Variants in MLIP observed in about 807,000 individuals in gnomAD.
MLIP encodes the protein muscular LMNA interacting protein.
A neutral mutation model predicts 84.8 loss-of-function variants in MLIP; 79 were observed. That is an observed-to-expected ratio of 0.93 (90% CI 0.78 to 1.12). The LOEUF is 1.12. Ranked by LOEUF, MLIP falls within the 50% of genes most tolerant of loss-of-function variation. MLIP has a pLI of 0.00. For missense variants in MLIP, 1,257 were observed against 1,160.6 expected, an observed-to-expected ratio of 1.08 and a Z score of -1.21; for synonymous variants, 504 against 463.0, an observed-to-expected ratio of 1.09 and a Z score of -1.14.
At chr6:54,148,160 C>T (rs1302859683) in intron 4 of MLIP, among the ~76,000 whole-genome samples, 7 of 152,138 alleles carry the variant, frequency 4.6e-5, no homozygotes, top group Non-Finnish European at 1.0e-4. Context: ...GAGCTCTGTG[C>T]CAATTTCCTC....
At chr6:54,192,048 T>C (rs1254657908) in intron 10 of MLIP, among the ~76,000 whole-genome samples, 1 of 151,360 alleles carries the variant, frequency 6.6e-6, no homozygotes, top group Admixed American at 6.6e-5. Flanking sequence ...AAACAACTCT[T>C]TGTGAATGTA....
chr6:54,160,668 G>C (rs1774535255), intron 7 of MLIP, 69 bp downstream of exon 7: 2 of 1,498,334 alleles, frequency 1.3e-6, no homozygotes, highest in African/African-American at 1.4e-5. Context: ...CTCTACTTTA[G>C]TATGATGCCT....
chr6:54,155,730 A>G (rs540600279), intron 5 of MLIP, among the ~76,000 whole-genome samples: 2 of 152,236 alleles, frequency 1.3e-5, no homozygotes, highest in East Asian at 1.9e-4. Flanking sequence ...ATGCTTTTTC[A>G]TAGTTCTTGG....
At chr6:54,055,028 C>T (rs1320602315) in intron 1 of MLIP, among the ~76,000 whole-genome samples, 3 of 152,132 alleles carry the variant, frequency 2.0e-5, no homozygotes, top group African/African-American at 7.2e-5. Flanking sequence ...GCTGGGACTA[C>T]AGGCGCCCGC....
intron 1 of MLIP, among the ~76,000 whole-genome samples, chr6:54,049,854 T>G (rs1765277437): frequency 6.6e-6 from 1 of 152,176 alleles, no homozygotes; most frequent in African/African-American, 2.4e-5. Flanking sequence ...CAAAGGAAAT[T>G]AAAGAGTTTA....
intron 1 of MLIP, among the ~76,000 whole-genome samples, chr6:54,082,631 A>T (rs1406891133): frequency 1.3e-5 from 2 of 152,210 alleles, no homozygotes; most frequent in Non-Finnish European, 2.9e-5. Flanking sequence ...TCCCTTTAGC[A>T]ATATGGGACC....
intron 1 of MLIP, among the ~76,000 whole-genome samples, chr6:54,025,461 A>G (rs1213799857): frequency 2.0e-5 from 3 of 152,236 alleles, no homozygotes; most frequent in Non-Finnish European, 4.4e-5. Context: ...GTATCTTTAT[A>G]CCACAATTGG....
chr6:54,042,363 C>T (rs1764794235), intron 1 of MLIP, among the ~76,000 whole-genome samples: 1 of 152,222 alleles, frequency 6.6e-6, no homozygotes, highest in Admixed American at 6.6e-5. Context: ...TTCTCCTCCT[C>T]CTCATCCTCC....
intron 1 of MLIP, among the ~76,000 whole-genome samples, chr6:54,033,157 A>G (rs1355481185): frequency 1.3e-5 from 2 of 152,148 alleles, no homozygotes; most frequent in African/African-American, 4.8e-5. Context: ...TGATATAGAT[A>G]ATAGGCAGAA....
intron 2 of MLIP, 110 bp downstream of exon 2, chr6:54,121,712 C>T: frequency 1.2e-6 from 1 of 801,292 alleles, no homozygotes; most frequent in Middle Eastern, 3.7e-4. Flanking sequence ...GTGACTGTGA[C>T]TCTAAGTTTG....
chr6:54,085,748 G>C (rs959776505), intron 1 of MLIP, among the ~76,000 whole-genome samples: 9 of 152,272 alleles, frequency 5.9e-5, no homozygotes, highest in Non-Finnish European at 1.3e-4. Context: ...GCCTACCAGT[G>C]GCTGACTCAC....
intron 1 of MLIP, among the ~76,000 whole-genome samples, chr6:54,055,224 A>G (rs17631709): frequency 0.043 from 6,514 of 152,058 alleles, 198 homozygotes; most frequent in Non-Finnish European, 0.069. Flanking sequence ...TCCTGAGTAC[A>G]CTTTTTCCTT....
At chr6:54,036,607 G>A (rs1217448055) in intron 1 of MLIP, among the ~76,000 whole-genome samples, 1 of 151,948 alleles carries the variant, frequency 6.6e-6, no homozygotes, top group African/African-American at 2.4e-5. Flanking sequence ...AGACAATGTG[G>A]CAAAAGGAAA....
intron 1 of MLIP, among the ~76,000 whole-genome samples, chr6:54,055,127 C>A (rs1366928466): frequency 6.6e-6 from 1 of 152,150 alleles, no homozygotes; most frequent in East Asian, 1.9e-4. Context: ...ACCTCGTGAT[C>A]CGCCTGTCTC....
chr6:54,060,602 C>T (rs1260172015), intron 1 of MLIP, among the ~76,000 whole-genome samples: 1 of 152,136 alleles, frequency 6.6e-6, no homozygotes, highest in Non-Finnish European at 1.5e-5. Context: ...AGCTCATATA[C>T]ATATCAGTTA....
chr6:54,110,864 G>A (rs916160868), upstream of MLIP, among the ~76,000 whole-genome samples: 7 of 152,176 alleles, frequency 4.6e-5, no homozygotes, highest in African/African-American at 1.7e-4. Context: ...GTTTTGACAA[G>A]GATTTGATTC....
At chr6:54,231,913 A>C (rs1169612919) in intron 12 of MLIP, among the ~76,000 whole-genome samples, 3 of 152,140 alleles carry the variant, frequency 2.0e-5, no homozygotes, top group Non-Finnish European at 4.4e-5. Flanking sequence ...AAAAACTATA[A>C]CACTGTTATA....
Position 54,121,581 on chromosome 6 carries a change from G to A in MLIP, c.231G>A (p.Lys77=), listed in dbSNP as rs750162948. The A allele has an allele frequency of 6.8e-6, 11 of 1,612,142 alleles. No homozygotes were observed. The South Asian group carries it at 1.1e-4, about 16-fold the overall frequency. The change falls in exon 2 of 14, where the codon AAG becomes AAA. Residue 77 remains lysine, a synonymous_variant. Transcript: ENST00000502396. ...LVKIPEESSD[K]SPETVNRSKS... Reference sequence around the variant, plus strand: ...AAATTCCAGAAGAATCAAGTGATAAGAGTCCAGAAACTGTAAATAGGGTAG... The same window carrying A: ...AAATTCCAGAAGAATCAAGTGATAAAAGTCCAGAAACTGTAAATAGGGTAG...
At chr6:54,140,916 A>G (rs931798879) in intron 4 of MLIP, among the ~76,000 whole-genome samples, 9 of 152,170 alleles carry the variant, frequency 5.9e-5, no homozygotes, top group Admixed American at 3.9e-4. Flanking sequence ...TTCCAGTGTG[A>G]TGCTAAGCTG....
Sources: allele counts gnomAD v4.1 joint callset (sites outside exome capture counted in the v4.1 genomes callset), GRCh38; gene constraint gnomAD v4.1.1; transcripts MANE v1.5; gene names NCBI Gene and HGNC (gene_info 2026-07-23, HGNC 2026-07-21).